Variants in UGT1A7 observed in about 807,000 individuals in gnomAD.
UGT1A7 encodes UDP glucuronosyltransferase family 1 member A7, also known as UDP-glucuronosyltransferase 1A7.
A neutral mutation model predicts 45.6 loss-of-function variants in UGT1A7; 33 were observed. The ratio of observed to expected loss-of-function variants is 0.72; its 90% CI spans 0.55 to 0.97. The LOEUF (loss-of-function observed/expected upper bound fraction) is 0.97, where lower values mean the gene tolerates loss of function less well. Ranked by LOEUF, UGT1A7 falls within the 50% of genes least tolerant of loss-of-function variation. The probability of loss-of-function intolerance (pLI) is 0.00; values close to 1 mark genes in which losing one functional copy is unlikely to be tolerated. For synonymous variants in UGT1A7, 274 were observed against 250.6 expected (o/e 1.09, Z -0.88); for missense variants, 684 against 666.2 (o/e 1.03, Z -0.29).
chr2:233,740,376 T>C lies in UGT1A7; in HGVS notation c.856-26658T>C, dbSNP rs543256832. On this transcript the variant is annotated intron_variant, in intron 1 of 4. Coordinates refer to ENST00000373426, the MANE Select transcript of UGT1A7 (RefSeq NM_019077.3). Reference sequence around the variant, plus strand: ...AATTAGAAATTCCTAGAAAGGTAAGTTGTTGTGTGAATTATTTCCCAAAAT... The same window carrying C: ...AATTAGAAATTCCTAGAAAGGTAAGCTGTTGTGTGAATTATTTCCCAAAAT... 9.3e-4 allele frequency among the ~76,000 whole-genome samples: 142 copies of C among 151,968 alleles called. No homozygotes were observed. In the South Asian group the frequency reaches 0.011, roughly 12 times the overall value.
intron 2 of UGT1A7, 103 bp from the exon 3 acceptor site, chr2:233,767,746 A>G (rs1269401537): frequency 1.3e-6 from 2 of 1,589,042 alleles, no homozygotes; most frequent in Non-Finnish European, 1.7e-6. Flanking sequence ...TCTGTTAAAG[A>G]CTGTTCCTTC....
intron 1 of UGT1A7, among the ~76,000 whole-genome samples, chr2:233,685,279 C>T (rs532732563): frequency 7.9e-5 from 12 of 152,180 alleles, no homozygotes; most frequent in Non-Finnish European, 1.3e-4. Flanking sequence ...GTGATCCGCC[C>T]GCCTCCGCCT....
At chr2:233,693,132 A>T in intron 1 of UGT1A7, 1 of 1,614,182 alleles carries the variant, frequency 6.2e-7, no homozygotes, top group Non-Finnish European at 8.5e-7. Flanking sequence ...CTTAGTATGA[A>T]GGATATAGTT....
intron 1 of UGT1A7, among the ~76,000 whole-genome samples, chr2:233,705,147 AAAGAGAG>A (rs1559353962): frequency 1.3e-5 from 2 of 151,972 alleles, no homozygotes; most frequent in Non-Finnish European, 2.9e-5. Context: ...AAAAAAAAAA[AAAGAGAG>A]AGAGAGAGAG....
intron 1 of UGT1A7, among the ~76,000 whole-genome samples, chr2:233,736,536 T>C (rs1265861368): frequency 6.6e-6 from 1 of 152,240 alleles, no homozygotes; most frequent in African/African-American, 2.4e-5. Flanking sequence ...TCATTCTCTT[T>C]CCAGCTTTGC....
intron 1 of UGT1A7, chr2:233,760,314 C>T (rs2125982476): frequency 1.2e-6 from 2 of 1,613,914 alleles, no homozygotes; most frequent in Non-Finnish European, 1.7e-6. Context: ...AGGGCGGACG[C>T]CCACTTGTCC....
intron 1 of UGT1A7, among the ~76,000 whole-genome samples, chr2:233,723,536 T>TA (rs756280025): frequency 0.019 from 2,250 of 121,430 alleles, 100 homozygotes; most frequent in African/African-American, 0.052. Context: ...TTTTTTTTTT[T>TA]AATTTATTTT....
At chr2:233,756,312 ATCC>A (rs1696175479) in intron 1 of UGT1A7, 1 of 152,140 alleles carries the variant, frequency 6.6e-6, no homozygotes, top group Admixed American at 6.5e-5. Flanking sequence ...ACCTACCCAT[ATCC>A]TCCTTTAAAC....
chr2:233,682,503 A>G lies in UGT1A7; in HGVS notation c.566A>G (p.Tyr189Cys), dbSNP rs2074581873. The change falls in exon 1 of 5, where the codon TAT becomes TGT. Residue 189 changes from tyrosine (Y) to cysteine (C), a missense_variant. Transcript: ENST00000373426. ...GCACAGTGCCCTGCTCCTCTTTCCTATGTCCCCAGACTTCTCTTAGGGTTC... is the reference window on the plus strand; with the variant it reads ...GCACAGTGCCCTGCTCCTCTTTCCTGTGTCCCCAGACTTCTCTTAGGGTTC... ...EGAQCPAPLS[Y>C]VPRLLLGFSD... The G allele has an allele frequency of 1.9e-6, 3 of 1,613,718 alleles. No individual in the cohort carries two copies. The highest frequency in any genetic ancestry group is 2.2e-5 in the East Asian group (1 of 44,886).
intron 1 of UGT1A7, chr2:233,743,937 C>G (rs1692597235): frequency 7.4e-7 from 1 of 1,355,896 alleles, no homozygotes; most frequent in Non-Finnish European, 9.9e-7. Context: ...CAGAACGGCC[C>G]ACCAGGCACT....
intron 1 of UGT1A7, among the ~76,000 whole-genome samples, chr2:233,707,382 A>G (rs1046947918): frequency 1.3e-5 from 2 of 151,700 alleles, no homozygotes; most frequent in Non-Finnish European, 2.9e-5. Flanking sequence ...CTCAGCATCC[A>G]TGAGCTATTC....
intron 1 of UGT1A7, among the ~76,000 whole-genome samples, chr2:233,711,224 G>A (rs1203779034): frequency 2.0e-5 from 3 of 152,198 alleles, no homozygotes; most frequent in Non-Finnish European, 4.4e-5. Context: ...CTCCCATGTC[G>A]CTGAAGGCAC....
intron 1 of UGT1A7, chr2:233,718,695 C>T (rs2076675906): frequency 6.3e-7 from 1 of 1,592,520 alleles, no homozygotes; most frequent in South Asian, 1.1e-5. Flanking sequence ...TGGAGGAGGG[C>T]ACTTTGTCTT....
chr2:233,693,254 C>A, intron 1 of UGT1A7: 1 of 1,614,058 alleles, frequency 6.2e-7, no homozygotes, highest in African/African-American at 1.3e-5. Flanking sequence ...GCCGTATGAC[C>A]AAGAAGAGCT....
intron 4 of UGT1A7, chr2:233,771,337 C>A (rs949199935): frequency 6.6e-6 from 1 of 152,084 alleles, no homozygotes; most frequent in Non-Finnish European, 1.5e-5. Flanking sequence ...CCTCTTCATT[C>A]CTGTAGCACC....
At chr2:233,692,123 G>A (rs1308996203) in intron 1 of UGT1A7, 2 of 152,152 alleles carry the variant, frequency 1.3e-5, no homozygotes, top group African/African-American at 4.8e-5. Context: ...AATCAATCAT[G>A]CCTACTATGT....
intron 1 of UGT1A7, among the ~76,000 whole-genome samples, chr2:233,764,100 A>T (rs549144830): frequency 7.2e-5 from 11 of 152,262 alleles, no homozygotes; most frequent in Non-Finnish European, 1.6e-4. Context: ...AACTAAAAAT[A>T]CAAAATTCTT....
Position 233,743,942 on chromosome 2 carries a change from G to A in UGT1A7, c.856-23092G>A, listed in dbSNP as rs1297528257. On this transcript the variant is annotated intron_variant, in intron 1 of 4. Coordinates refer to ENST00000373426, the MANE Select transcript of UGT1A7 (RefSeq NM_019077.3). ...GCTGGATGGCCAGAACGGCCCACCA[G>A]GCACTGGCACAGCGAGCGGCAAGGC... 3 of 1,352,602 alleles carry A rather than the reference G, an allele frequency of 2.2e-6. No individual in the cohort carries two copies. The African/African-American group carries it at 4.5e-5, about 20-fold the overall frequency. The allele number at this position is 1,352,602 out of a possible 1,614,324, so 83.8% of individuals were successfully genotyped here.
At chr2:233,727,049 G>A (rs1171509932) in intron 1 of UGT1A7, among the ~76,000 whole-genome samples, 1 of 152,178 alleles carries the variant, frequency 6.6e-6, no homozygotes, top group Non-Finnish European at 1.5e-5. Flanking sequence ...ACCCCAAGAT[G>A]TGAAGATTAG....
Sources: allele counts gnomAD v4.1 joint callset (sites outside exome capture counted in the v4.1 genomes callset), GRCh38; gene constraint gnomAD v4.1.1; transcripts MANE v1.5; gene names NCBI Gene and HGNC (gene_info 2026-07-23, HGNC 2026-07-21).